The following RIMS1 variants were observed in gnomAD, a reference collection of about 807,000 sequenced individuals.
RIMS1 encodes regulating synaptic membrane exocytosis protein 1.
RIMS1 carries 83 observed loss-of-function variants against 214.1 expected under a neutral mutation model. The ratio of observed to expected loss-of-function variants is 0.39; its 90% CI spans 0.32 to 0.47. The LOEUF is 0.47. RIMS1 is among the 20% of genes least tolerant of loss of function. RIMS1 has a pLI of 0.99. For synonymous variants in RIMS1, 793 were observed against 786.8 expected (o/e 1.01, Z -0.13); for missense variants, 2,050 against 2,161.8 (o/e 0.95, Z 1.03).
chr6:72,260,810 C>T (rs2077639779), intron 19 of RIMS1, 43 bp downstream of exon 19: 1 of 1,604,788 alleles, frequency 6.2e-7, no homozygotes, highest in African/African-American at 1.3e-5. Flanking sequence ...TGTGATGACT[C>T]TCTTTCCATT....
At chr6:72,029,571 C>A (rs1257403896) in intron 2 of RIMS1, among the ~76,000 whole-genome samples, 2 of 152,130 alleles carry the variant, frequency 1.3e-5, no homozygotes, top group East Asian at 3.8e-4. Context: ...TATTGGACTT[C>A]CCAGCCTCTA....
At chr6:72,386,894 T>C (rs2807515) in intron 29 of RIMS1, among the ~76,000 whole-genome samples, 3,109 of 151,788 alleles carry the variant, frequency 0.02, 89 homozygotes, top group African/African-American at 0.069. Context: ...CCACCACACC[T>C]GGCTAATTTT....
chr6:72,167,833 G>T (rs1423918818), intron 4 of RIMS1, among the ~76,000 whole-genome samples: 1 of 151,412 alleles, frequency 6.6e-6, no homozygotes, highest in African/African-American at 2.4e-5. Flanking sequence ...CAGTGCTGTG[G>T]GATTTTATCA....
intron 5 of RIMS1, 111 bp downstream of exon 5, chr6:72,180,026 A>T: frequency 1.5e-6 from 1 of 682,918 alleles, no homozygotes; most frequent in Non-Finnish European, 2.3e-6. Context: ...AGTACTTCTC[A>T]GGCCCCACAT....
At chr6:72,120,448 T>C (rs1189453477) in intron 4 of RIMS1, among the ~76,000 whole-genome samples, 1 of 152,036 alleles carries the variant, frequency 6.6e-6, no homozygotes, top group Admixed American at 6.6e-5. Flanking sequence ...TGCATAAACG[T>C]CTTCTTTTGA....
At chr6:72,024,907 T>TTTTTG (rs1815923138) in intron 2 of RIMS1, among the ~76,000 whole-genome samples, 1 of 141,252 alleles carries the variant, frequency 7.1e-6, no homozygotes, top group Non-Finnish European at 1.5e-5. Flanking sequence ...TGGGTTTTTT[T>TTTTTG]TTTTTTTTTT....
chr6:72,380,055 A>T (rs1211768471), intron 29 of RIMS1, among the ~76,000 whole-genome samples: 2 of 152,266 alleles, frequency 1.3e-5, no homozygotes, highest in Non-Finnish European at 2.9e-5. Context: ...ACACCATGGA[A>T]TACTTGCAGC....
intron 4 of RIMS1, among the ~76,000 whole-genome samples, chr6:72,165,635 T>C (rs1311743607): frequency 1.3e-5 from 2 of 152,164 alleles, no homozygotes; most frequent in Non-Finnish European, 2.9e-5. Flanking sequence ...ACTGAGACAA[T>C]GTACTTTTGC....
intron 24 of RIMS1, among the ~76,000 whole-genome samples, chr6:72,285,083 A>G (rs1244296517): frequency 6.6e-6 from 1 of 152,156 alleles, no homozygotes; most frequent in East Asian, 1.9e-4. Flanking sequence ...AAGAGGCCTG[A>G]AAATAAAATT....
intron 2 of RIMS1, among the ~76,000 whole-genome samples, chr6:72,012,697 G>T (rs546921190): frequency 1.4e-4 from 22 of 152,142 alleles, no homozygotes; most frequent in Non-Finnish European, 2.9e-4. Context: ...TACACAGCAA[G>T]GTTATAATAA....
At chr6:71,900,698 A>G (rs2150449657) in intron 1 of RIMS1, among the ~76,000 whole-genome samples, 1 of 152,198 alleles carries the variant, frequency 6.6e-6, no homozygotes, top group Middle Eastern at 3.4e-3. Context: ...GAGTATCTGG[A>G]GTGGTGGAAG....
intron 29 of RIMS1, among the ~76,000 whole-genome samples, chr6:72,353,392 T>C (rs567602987): frequency 1.3e-5 from 2 of 152,306 alleles, no homozygotes; most frequent in African/African-American, 4.8e-5. Flanking sequence ...TTATCCGAGT[T>C]TCAAAGCCTG....
At chr6:72,079,860 G>A (rs113135565) in intron 2 of RIMS1, among the ~76,000 whole-genome samples, 1,757 of 151,732 alleles carry the variant, frequency 0.012, 11 homozygotes, top group Non-Finnish European at 0.018. Context: ...CTCCAGCCTG[G>A]GTGACAGACA....
At position 72,229,818 on chromosome 6, in the gene RIMS1, G is replaced by T. The variant is rs545677401; in HGVS notation, c.1679-3955G>T. 2.6e-5 allele frequency among the ~76,000 whole-genome samples: 4 copies of T among 151,890 alleles called. No homozygotes were observed. In the South Asian group the frequency reaches 8.3e-4, roughly 32 times the overall value. The stretch of plus-strand genomic sequence containing the variant: ...GAATATCCCTGTAAAATATTAAAAT[G>T]TTTATATTTTTAATATCACAGTGTA... On this transcript the variant is annotated intron_variant, in intron 6 of 33. Coordinates refer to ENST00000521978, the MANE Select transcript of RIMS1 (RefSeq NM_014989.7).
At chr6:71,953,453 C>T (rs9358987) in intron 1 of RIMS1, among the ~76,000 whole-genome samples, 7,036 of 152,022 alleles carry the variant, frequency 0.046, 257 homozygotes, top group East Asian at 0.18. Flanking sequence ...AGAAGTGGGA[C>T]GGTGGGGTGG....
chr6:72,049,018 C>A (rs1414779440), intron 2 of RIMS1, among the ~76,000 whole-genome samples: 1 of 152,132 alleles, frequency 6.6e-6, no homozygotes, highest in African/African-American at 2.4e-5. Context: ...GCTGCTGATG[C>A]AGAGGACTCA....
chr6:72,394,206 G>C (rs950453191), intron 31 of RIMS1, among the ~76,000 whole-genome samples: 8 of 152,088 alleles, frequency 5.3e-5, no homozygotes, highest in Non-Finnish European at 1.2e-4. Context: ...ATACCTAATG[G>C]GTTTGATTTT....
At chr6:72,293,703 T>A (rs1284216033) in intron 26 of RIMS1, among the ~76,000 whole-genome samples, 1 of 151,886 alleles carries the variant, frequency 6.6e-6, no homozygotes, top group Non-Finnish European at 1.5e-5. Context: ...ACATTATTTC[T>A]GTAGAAATAA....
intron 4 of RIMS1, among the ~76,000 whole-genome samples, chr6:72,105,164 G>A (rs1451036706): frequency 1.3e-5 from 2 of 151,990 alleles, no homozygotes; most frequent in African/African-American, 4.8e-5. Context: ...GAACTCCTGG[G>A]CTCAAGCGAT....
Sources: gnomAD v4.1 joint callset for allele counts (sites outside exome capture counted in the v4.1 genomes callset) on GRCh38, gnomAD v4.1.1 for gene constraint, MANE v1.5 for transcripts, NCBI Gene and HGNC (gene_info 2026-07-23, HGNC 2026-07-21) for gene names.